The following TPTE2 variants were observed in gnomAD, a reference collection of about 807,000 sequenced individuals.
The protein encoded by TPTE2 is transmembrane phosphoinositide 3-phosphatase and tensin homolog 2.
In TPTE2, 53 loss-of-function variants were observed where a neutral mutation model predicts 78.6. The ratio of observed to expected loss-of-function variants is 0.67; its 90% confidence interval spans 0.54 to 0.85. TPTE2 has a LOEUF of 0.85. TPTE2 is among the 40% of genes least tolerant of loss of function. TPTE2 has a pLI of 0.00. For synonymous variants in TPTE2, 175 were observed against 206.2 expected (o/e 0.85, Z 1.30); for missense variants, 461 against 623.0 (o/e 0.74, Z 2.77).
intron 19 of TPTE2, 88 bp from the exon 23 acceptor site, chr13:19,423,252 C>A: frequency 2.1e-6 from 2 of 953,460 alleles, no homozygotes; most frequent in East Asian, 3.0e-5. Flanking sequence ...CTGGAAGAAA[C>A]AAAAAAAAAC....
In TPTE2 at chr13:19,486,235, G is replaced by T. The variant is rs1180405259; in HGVS notation, c.120-3688C>A. On this transcript the variant is annotated intron_variant, in intron 3 of 19. Transcript: ENST00000400230. This position sits in a 1 kb window ranked among gnomAD's most constrained non-coding sequence, Gnocchi z 4.3. ...GGTATACTGGCCTTGGTTCTACATG[G>T]ATGCAGTAAGTGTAGTCTCCATGTA... 1.3e-5 allele frequency among the ~76,000 whole-genome samples: 2 copies of T among 152,036 alleles called. No individual in the cohort carries two copies. Among genetic ancestry groups the T allele is most frequent in the Non-Finnish European group, 2.9e-5 (2 of 68,006 alleles).
intron 1 of TPTE2, among the ~76,000 whole-genome samples, chr13:19,525,933 G>GA (rs1424597155): frequency 6.6e-6 from 1 of 151,854 alleles, no homozygotes; most frequent in African/African-American, 2.4e-5. Context: ...TAACAAACAT[G>GA]AAAAAATGCT....
At chr13:19,442,734 C>T (rs929581120) in intron 13 of TPTE2, among the ~76,000 whole-genome samples, 6 of 152,044 alleles carry the variant, frequency 3.9e-5, no homozygotes. Context: ...AAGGGAACAT[C>T]TCTGCAGACA....
chr13:19,474,904 T>C (rs1879839520), intron 5 of TPTE2, among the ~76,000 whole-genome samples: 2 of 152,342 alleles, frequency 1.3e-5, no homozygotes, highest in Middle Eastern at 3.4e-3. Flanking sequence ...TCCAGATGTA[T>C]AAGGTACTTA....
At position 19,470,640 on chromosome 13, in the gene TPTE2, C is replaced by T. The variant is rs534665732; in HGVS notation, c.392+3274G>A. Among the ~76,000 whole-genome samples, 5 of 151,822 alleles carry T rather than the reference C, an allele frequency of 3.3e-5. No individual in the cohort carries two copies. In the East Asian group the frequency reaches 9.7e-4, roughly 30 times the overall value. On this transcript the variant is annotated intron_variant, in intron 6 of 19. Coordinates refer to ENST00000400230, the Ensembl canonical transcript of TPTE2. ...TCCCAGGTTCAAGTGATTCTCCTGC[C>T]TCAGCCTCATGAGTAGCTGAAATTA...
At chr13:19,560,871 C>T in the TPTE2 span, 4 of 1,565,338 alleles carry the variant, frequency 2.6e-6, no homozygotes, top group Non-Finnish European at 3.5e-6. Flanking sequence ...GCCTGACAGG[C>T]CTTGCGTCTC....
chr13:19,524,805 G>A (rs958816620), intron 1 of TPTE2, among the ~76,000 whole-genome samples: 2 of 152,102 alleles, frequency 1.3e-5, no homozygotes, highest in African/African-American at 2.4e-5. Flanking sequence ...AGTGGGGAGC[G>A]AGTTTCAGAG....
chr13:19,442,069 A>G (rs1448237417), intron 13 of TPTE2, among the ~76,000 whole-genome samples: 1 of 152,178 alleles, frequency 6.6e-6, no homozygotes, highest in East Asian at 1.9e-4. Context: ...GGAAAATAGA[A>G]GAGTTAAATA....
rs561329513 is a variant in TPTE2, at chr13:19,451,845, A to G, written c.742-620T>C. The stretch of plus-strand genomic sequence containing the variant: ...TGTGTGTGTGTGTGTGTGTGTGTGT[A>G]TATATGTATAACCTTTAAAATGAAA... On this transcript the variant is annotated intron_variant, in intron 10 of 19. Coordinates refer to ENST00000400230, the Ensembl canonical transcript of TPTE2. Among the ~76,000 whole-genome samples, 423 of 142,690 alleles carry G rather than the reference A, an allele frequency of 3.0e-3. 2 individuals are homozygous for G. Among genetic ancestry groups the G allele is most frequent in the African/African-American group, 8.5e-3 (333 of 39,244 alleles). 93.6% of individuals were successfully genotyped at this position (142,690 alleles called of 152,430 possible). A position where few individuals can be genotyped will look rare whatever the true frequency, so the allele number is the denominator to read the frequency against.
rs115288312 is a variant in TPTE2, at chr13:19,465,582, A to C, written c.513-18T>G. 1.2e-3 allele frequency: 1,817 copies of C among 1,568,820 alleles called. 25 individuals carry two copies. In the African/African-American group the frequency reaches 0.023, roughly 20 times the overall value. On this transcript the variant is annotated intron_variant, in intron 7 of 19. Transcript: ENST00000400230. ...GTGTCCATCTAACAATAAATTTAAA[A>C]GATCCATTTTTGCTTCAGAAACAGA...
chr13:19,549,890 T>C, the TPTE2 span, among the ~76,000 whole-genome samples: 6 of 102,576 alleles, frequency 5.8e-5, no homozygotes. Flanking sequence ...CCTACGTGAA[T>C]TAATGCAGAA....
intron 18 of TPTE2, 147 bp downstream of exon 21, chr13:19,426,278 G>A (rs765998422): frequency 1.5e-5 from 9 of 616,192 alleles, no homozygotes; most frequent in Admixed American, 5.6e-5. Context: ...AATTACATAC[G>A]CTCTTTTAAA....
Position 19,450,382 on chromosome 13 carries a change from A to G in TPTE2, c.803-38T>C, listed in dbSNP as rs540896550. The G allele has an allele frequency of 1.3e-4, 200 of 1,537,866 alleles. 3 individuals are homozygous for G. In the South Asian group the frequency reaches 2.2e-3, roughly 17 times the overall value. Reference sequence around the variant, plus strand: ...ATATGTATGTCATATCTCTATAGGGAATAACATGATAAATGATGAAGTTAT... The same window carrying G: ...ATATGTATGTCATATCTCTATAGGGGATAACATGATAAATGATGAAGTTAT... On this transcript the variant is annotated intron_variant, in intron 11 of 19. Coordinates refer to ENST00000400230, the Ensembl canonical transcript of TPTE2.
At chr13:19,465,405 C>A (rs1453249074) in intron 8 of TPTE2, 60 bp downstream of exon 11, 12 of 1,606,140 alleles carry the variant, frequency 7.5e-6, no homozygotes, top group South Asian at 5.5e-5. Context: ...TCAACCCTTG[C>A]CAATGGGTCC....
chr13:19,480,808 C>A (rs1279373849), intron 4 of TPTE2, among the ~76,000 whole-genome samples: 1 of 152,112 alleles, frequency 6.6e-6, no homozygotes, highest in Admixed American at 6.5e-5. Flanking sequence ...AATAGCGTCA[C>A]AATCATTCCC....
At chr13:19,438,898 A>T (rs1234537341) in intron 13 of TPTE2, among the ~76,000 whole-genome samples, 1 of 152,178 alleles carries the variant, frequency 6.6e-6, no homozygotes, top group Non-Finnish European at 1.5e-5. Flanking sequence ...GGTGTGAGAG[A>T]GGCAGACAGC....
At chr13:19,531,280 G>A (rs1375390469) in intron 1 of TPTE2, among the ~76,000 whole-genome samples, 1 of 151,966 alleles carries the variant, frequency 6.6e-6, no homozygotes, top group Non-Finnish European at 1.5e-5. Context: ...CCACATTTTG[G>A]CTATTGTGAC....
At chr13:19,491,551 C>T (rs2932175) in intron 3 of TPTE2, among the ~76,000 whole-genome samples, 142,073 of 152,208 alleles carry the variant, frequency 0.93, 66,609 homozygotes, top group East Asian at 1. Context: ...TTTAGCCAGG[C>T]GCAGTGGCTC....
chr13:19,493,399 A>G (rs767002345), intron 2 of TPTE2, 49 bp downstream of exon 5: 2 of 1,561,660 alleles, frequency 1.3e-6, no homozygotes, highest in Non-Finnish European at 8.8e-7. Context: ...GTATAGTTCT[A>G]TGCACACTTA....
Sources: allele counts gnomAD v4.1 joint callset (sites outside exome capture counted in the v4.1 genomes callset), GRCh38; gene constraint gnomAD v4.1.1; non-coding constraint Gnocchi (gnomAD v3.1); transcripts MANE v1.5; gene names NCBI Gene and HGNC (gene_info 2026-07-23, HGNC 2026-07-21).